SIRT3: variants seen among roughly 807,000 people sequenced by gnomAD.
SIRT3 encodes the protein NAD-dependent protein deacetylase sirtuin-3, mitochondrial.
In SIRT3, 26 loss-of-function variants were observed where a neutral mutation model predicts 33.5. The observed-to-expected ratio is 0.78, with a 90% CI of 0.57 to 1.08. The LOEUF (loss-of-function observed/expected upper bound fraction) is 1.08, where lower values mean the gene tolerates loss of function less well. Ranked by LOEUF, SIRT3 falls within the 50% of genes least tolerant of loss-of-function variation. SIRT3 has a pLI of 0.00. For missense variants in SIRT3, 585 were observed against 530.1 expected, an observed-to-expected ratio of 1.10 and a Z score of -1.02; for synonymous variants, 237 against 222.1, an observed-to-expected ratio of 1.07 and a Z score of -0.60.
At chr11:222,354 C>T (rs1856554937) in intron 5 of SIRT3, 1 of 153,362 alleles carries the variant, frequency 6.5e-6, no homozygotes, top group African/African-American at 2.4e-5. Context: ...AGGCTGAGTT[C>T]CTGAGCTCCC....
intron 4 of SIRT3, 129 bp from the exon 5 acceptor site, chr11:224,368 C>T: frequency 2.1e-6 from 2 of 953,558 alleles, no homozygotes; most frequent in Non-Finnish European, 3.1e-6. Context: ...CATGAACCCC[C>T]ATGTACCCAG....
upstream of SIRT3, chr11:236,883 A>T: frequency 3.1e-6 from 2 of 637,280 alleles, no homozygotes; most frequent in Non-Finnish European, 5.6e-6. Context: ...CGGAGCGCAG[A>T]GACGCGCTGT....
intron 3 of SIRT3, 123 bp downstream of exon 3, chr11:232,860 G>A (rs796422004): frequency 1.7e-5 from 15 of 884,650 alleles, no homozygotes; most frequent in South Asian, 1.2e-4. Flanking sequence ...GGTTTTGGCC[G>A]TCCCCAGAAA....
At chr11:221,079 T>C (rs922438886) in intron 5 of SIRT3, among the ~76,000 whole-genome samples, 1 of 152,020 alleles carries the variant, frequency 6.6e-6, no homozygotes, top group Non-Finnish European at 1.5e-5. Context: ...CTACAGCATT[T>C]ACCCTTCAGG....
chr11:227,954 A>T (rs1461699217), intron 4 of SIRT3, among the ~76,000 whole-genome samples: 1 of 152,094 alleles, frequency 6.6e-6, no homozygotes, highest in Non-Finnish European at 1.5e-5. Flanking sequence ...AAATCCCTTC[A>T]CATCATTTTC....
intron 1 of SIRT3, 120 bp from the exon 2 acceptor site, chr11:233,654 C>T: frequency 1.2e-6 from 1 of 844,016 alleles, no homozygotes; most frequent in Middle Eastern, 2.3e-4. Context: ...ATGTGTGTCT[C>T]CCCAGGCCTC....
At position 233,372 on chromosome 11, in the gene SIRT3, G is replaced by A; in HGVS notation, c.444C>T (p.Ile148=). The change falls in exon 2 of 7, where the codon ATC becomes ATT. Residue 148 remains isoleucine, a synonymous_variant. Transcript: ENST00000382743. ...QRVVVMVGAG[I]STPSGIPDFR... is the part of the protein sequence containing the mutation. Reference sequence around the variant, plus strand: ...AGTCTGGAATGCCACTGGGTGTGCTGATGCCGGCCCCCACCATGACCACCA... The same window carrying A: ...AGTCTGGAATGCCACTGGGTGTGCTAATGCCGGCCCCCACCATGACCACCA... 6 of 1,613,866 alleles carry A rather than the reference G, an allele frequency of 3.7e-6. No individual in the cohort carries two copies. Among genetic ancestry groups the A allele is most frequent in the Non-Finnish European group, 5.1e-6 (6 of 1,179,950 alleles).
At chr11:236,489 T>G (rs1040440732), upstream of SIRT3, 9 of 289,898 alleles carry the variant, frequency 3.1e-5, no homozygotes, top group African/African-American at 1.9e-4. Context: ...CCCCGCCTCC[T>G]TGCCGACGCC....
intron 5 of SIRT3, among the ~76,000 whole-genome samples, chr11:220,864 T>C (rs1234425936): frequency 7.0e-6 from 1 of 143,084 alleles, no homozygotes; most frequent in Non-Finnish European, 1.5e-5. Context: ...TATCAGCATT[T>C]ACCCTTCCAG....
At chr11:220,279 G>A (rs1275608311) in intron 5 of SIRT3, among the ~76,000 whole-genome samples, 4 of 140,946 alleles carry the variant, frequency 2.8e-5, no homozygotes, top group African/African-American at 5.3e-5. Flanking sequence ...GCAGTGAGCC[G>A]AGATCGCGCC....
Position 224,087 on chromosome 11 carries a change from G to A in SIRT3, c.960C>T (p.Thr320=), listed in dbSNP as rs755355075. ...AGGCCTGCTGACAAACCTCCAGGGA[G>A]GTCCCAAGGATGAGCAGCAGATCTG... ...PMADLLLILG[T]SLEVEPFASL... is the part of the protein sequence containing the mutation. Residue 320 remains threonine (T), a synonymous_variant, in exon 5 of 7, where the codon ACC becomes ACT. Transcript: ENST00000382743. 6.2e-7 allele frequency: 1 copy of A among 1,614,146 alleles called. No individual in the cohort carries two copies. Among genetic ancestry groups the A allele is most frequent in the South Asian group, 1.1e-5 (1 of 91,084 alleles).
upstream of SIRT3, chr11:236,628 G>C (rs564928669): frequency 2.4e-5 from 5 of 207,640 alleles, no homozygotes; most frequent in East Asian, 3.6e-4. Context: ...TTTTCAACCC[G>C]GATGGCGGTG....
chr11:216,906 C>G lies in SIRT3; in HGVS notation c.1180-188G>C, dbSNP rs148489295. Among the ~76,000 whole-genome samples, 761 of 152,334 alleles carry G rather than the reference C, an allele frequency of 5.0e-3. 9 individuals are homozygous for G. Among genetic ancestry groups the G allele is most frequent in the African/African-American group, 0.018 (728 of 41,564 alleles). On this transcript the variant is annotated intron_variant, in intron 6 of 6. Transcript: ENST00000382743. The stretch of plus-strand genomic sequence containing the variant: ...AGCAGGCCTGGGCAGAACAGGGTGG[C>G]TAAATGGAGAGCCTCATTCTATGGG...
rs1322191438 is a variant in SIRT3 at position 233,598 on chromosome 11, G to A, written c.282-64C>T. 14 of 1,542,502 alleles carry A rather than the reference G, an allele frequency of 9.1e-6. No individual in the cohort carries two copies. In the East Asian group the frequency reaches 2.5e-4, roughly 27 times the overall value. On this transcript the variant is annotated intron_variant, in intron 1 of 6. Transcript: ENST00000382743. ...CAACCAATCTCAGGATAGCAAGAAC[G>A]AGCATGGCTCTGCCCTCTGCACCAC...
intron 4 of SIRT3, 107 bp from the exon 5 acceptor site, chr11:224,346 T>G: frequency 8.1e-7 from 1 of 1,237,558 alleles, no homozygotes; most frequent in East Asian, 2.5e-5. Flanking sequence ...CCAAAAAAGG[T>G]GAGAGAGGGA....
intron 1 of SIRT3, among the ~76,000 whole-genome samples, chr11:235,026 C>A (rs890048359): frequency 6.6e-6 from 1 of 150,790 alleles, no homozygotes; most frequent in Non-Finnish European, 1.5e-5. Flanking sequence ...TACAGGCGCC[C>A]GCCACCACGC....
In SIRT3 at chr11:236,262, C is replaced by T; in HGVS notation, c.67G>A (p.Glu23Lys). The change falls in exon 1 of 7, where the codon GAG becomes AAG. Residue 23 changes from glutamate (E) to lysine (K), a missense_variant. Transcript: ENST00000382743. ...RLWGRVVERV[E>K]AGGGVGPFQA... is the part of the protein sequence containing the mutation. ...AACGGCCCCACGCCTCCCCCGGCCT[C>T]GACCCGTTCAACTACCCGGCCCCAC... 1 of 1,544,178 alleles carries T rather than the reference C, an allele frequency of 6.5e-7. No homozygotes were observed. Among genetic ancestry groups the T allele is most frequent in the Non-Finnish European group, 8.7e-7 (1 of 1,149,948 alleles).
In SIRT3 at chr11:227,139, C is replaced by A. The variant is rs139639185; in HGVS notation, c.808-2900G>T. Among the ~76,000 whole-genome samples, 613 of 151,512 alleles carry A rather than the reference C, an allele frequency of 4.0e-3. 5 individuals carry two copies. The highest frequency in any genetic ancestry group is 0.014 in the African/African-American group (588 of 41,346). ...ACCGCAAAACTCCAAAGACAAAAGT[C>A]TTAAAAAACAGGCAGAGAGGCCAGA... On this transcript the variant is annotated intron_variant, in intron 4 of 6. Coordinates refer to ENST00000382743, the MANE Select transcript of SIRT3 (RefSeq NM_012239.6).
chr11:232,945 G>T, intron 3 of SIRT3, 38 bp downstream of exon 3: 1 of 1,593,644 alleles, frequency 6.3e-7, no homozygotes, highest in South Asian at 1.1e-5. Context: ...GAGCCTCCGT[G>T]GGAGAAAAAG....
Sources: gnomAD v4.1 joint callset for allele counts (sites outside exome capture counted in the v4.1 genomes callset) on GRCh38, gnomAD v4.1.1 for gene constraint, MANE v1.5 for transcripts, NCBI Gene and HGNC (gene_info 2026-07-23, HGNC 2026-07-21) for gene names.